Variants in BBS5 observed in about 807,000 individuals in gnomAD.
The protein encoded by BBS5 is Bardet-Biedl syndrome 5, also known as BBSome complex member BBS5.
In BBS5, 39 loss-of-function variants were observed where a neutral mutation model predicts 50.2. The observed-to-expected ratio is 0.78, with a 90% CI of 0.60 to 1.01. BBS5 has a LOEUF of 1.01. Among genes scored for constraint, BBS5 ranks in the 50% least tolerant of loss-of-function variants. BBS5 has a pLI of 0.00. For missense variants in BBS5, 356 were observed against 401.5 expected (o/e 0.89, Z 0.97); for synonymous variants, 134 against 133.1 (o/e 1.01, Z -0.05).
intron 11 of BBS5, 62 bp from the exon 12 acceptor site, chr2:169,504,419 T>G: frequency 1.3e-6 from 2 of 1,593,616 alleles, no homozygotes; most frequent in African/African-American, 1.3e-5. Context: ...TATTTTTTTG[T>G]TTTTTTCCTC....
intron 5 of BBS5, among the ~76,000 whole-genome samples, chr2:169,491,571 G>A (rs1683601666): frequency 6.6e-6 from 1 of 151,960 alleles, no homozygotes; most frequent in African/African-American, 2.4e-5. Context: ...AGTTAATCAG[G>A]GTTTCTGTAT....
In BBS5 at chr2:169,506,490, TA is replaced by T. The variant is rs77146558; in HGVS notation, c.*1921del. On this transcript the variant is annotated 3_prime_UTR_variant, in exon 12 of 12. Transcript: ENST00000295240. ...TCTTACCCTAAAACTTAAAGTATAA[TA>T]AAAAAAAAAAAACTTCAGTTTTCTA... 0.14 allele frequency: 19,357 copies of T among 143,014 alleles called. 1,293 individuals carry two copies. The highest frequency in any genetic ancestry group is 0.2 in the Middle Eastern group (54 of 270). 8.9% of individuals were successfully genotyped at this position (143,014 alleles called of 1,614,324 possible).
In BBS5 at chr2:169,493,804, AG is replaced by A. The variant is rs1338711505; in HGVS notation, c.587del (p.Ser196IlefsTer14). 5.6e-6 allele frequency: 9 copies of A among 1,611,228 alleles called. No homozygotes were observed. In the African/African-American group the frequency reaches 1.2e-4, roughly 22 times the overall value. ...TGTGTGGCATGCAAATATGAATGAT[AG>A]TTTTAATGTCAGTATACCATATCTG... ...RIVWHANMNDSFNVSIPYLQI... is the reference protein window; with the variant it reads ...RIVWHANMNDXFNVSIPYLQI... On this transcript the variant is annotated frameshift_variant, in exon 7 of 12. Coordinates refer to ENST00000295240, the MANE Select transcript of BBS5 (RefSeq NM_152384.3). LOFTEE classifies it high-confidence loss of function.
intron 5 of BBS5, 59 bp from the exon 6 acceptor site, chr2:169,492,815 A>G: frequency 4.0e-6 from 6 of 1,492,758 alleles, no homozygotes; most frequent in South Asian, 1.2e-5. Flanking sequence ...GTAAGTAAAC[A>G]TAACCCAAGA....
intron 10 of BBS5, among the ~76,000 whole-genome samples, chr2:169,503,428 G>C (rs1193915103): frequency 6.6e-6 from 1 of 152,126 alleles, no homozygotes; most frequent in African/African-American, 2.4e-5. Flanking sequence ...GGAAGGCCGA[G>C]GTAGGCTGAT....
Position 169,493,055 on chromosome 2 carries a change from A to T in BBS5, c.522+46A>T, listed in dbSNP as rs776836296. 5.0e-6 allele frequency: 8 copies of T among 1,605,358 alleles called. No homozygotes were observed. The African/African-American group carries it at 1.1e-4, about 21-fold the overall frequency. On this transcript the variant is annotated intron_variant, in intron 6 of 11. Coordinates refer to ENST00000295240, the MANE Select transcript of BBS5 (RefSeq NM_152384.3). ...GAACCTTTTGGGACAGTGTTTTGGT[A>T]ATCATTTTTCCATTCATCATTGGAT...
Position 169,504,516 on chromosome 2 carries a change from G to A in BBS5, c.960G>A (p.Leu320=). 2.5e-6 allele frequency: 4 copies of A among 1,613,974 alleles called. No homozygotes were observed. Among genetic ancestry groups the A allele is most frequent in the South Asian group, 2.2e-5 (2 of 91,080 alleles). The change falls in exon 12 of 12, where the codon CTG becomes CTA. Residue 320 remains leucine, a synonymous_variant. Coordinates refer to ENST00000295240, the MANE Select transcript of BBS5 (RefSeq NM_152384.3). ...GTGAACCTGTATTTTCAGAAGAACT[G>A]GGGCTTGCAATAGAGAAATTGAAGG... ...QDREPVFSEE[L]GLAIEKLKDG...
intron 2 of BBS5, among the ~76,000 whole-genome samples, chr2:169,485,347 AAAAC>A (rs1225875669): frequency 1.4e-5 from 2 of 142,528 alleles, no homozygotes; most frequent in African/African-American, 4.9e-5. Context: ...TAAAAACAGT[AAAAC>A]AAAAAGTTTA....
intron 5 of BBS5, 48 bp from the exon 6 acceptor site, chr2:169,492,826 A>C (rs1281188133): frequency 6.4e-7 from 1 of 1,557,486 alleles, no homozygotes; most frequent in Non-Finnish European, 8.8e-7. Context: ...TAACCCAAGA[A>C]AATCACATTT....
chr2:169,479,558 C>G lies in BBS5; in HGVS notation c.5C>G (p.Ser2Trp), dbSNP rs944222707. ...CTGCCACGGGCCTTGTTCACCATGT[C>G]GGTGCTGGATGCGCTTTGGGAGGAT... M[S>W]VLDALWEDRD... The change falls in exon 1 of 12, where the codon TCG becomes TGG. Residue 2 changes from serine (S) to tryptophan (W), a missense_variant. Physicochemically the swap from Ser to Trp is radical, Grantham distance 177. Transcript: ENST00000295240. The G allele has an allele frequency of 1.2e-6, 2 of 1,614,156 alleles. No homozygotes were observed. Among genetic ancestry groups the G allele is most frequent in the Non-Finnish European group, 1.7e-6 (2 of 1,179,998 alleles).
chr2:169,504,397 T>C, intron 11 of BBS5, 71 bp downstream of exon 11: 2 of 1,581,824 alleles, frequency 1.3e-6, no homozygotes, highest in Non-Finnish European at 1.7e-6. Flanking sequence ...ATTCACAAAC[T>C]TATGTGAAAC....
chr2:169,504,490 C>G lies in BBS5; in HGVS notation c.934C>G (p.Arg312Gly), dbSNP rs766110650. 1 of 1,613,706 alleles carries G rather than the reference C, an allele frequency of 6.2e-7. No homozygotes were observed. The highest frequency in any genetic ancestry group is 1.7e-5 in the Admixed American group (1 of 60,000). ...YFADGNKQQD[R>G]EPVFSEELGL... ...CCTGTCTCCCAAAAAGCAACAAGATCGTGAACCTGTATTTTCAGAAGAACT... is the reference window on the plus strand; with the variant it reads ...CCTGTCTCCCAAAAAGCAACAAGATGGTGAACCTGTATTTTCAGAAGAACT... The change falls in exon 12 of 12, where the codon CGT (arginine) becomes GGT (glycine). Residue 312 changes from arginine to glycine, a missense_variant. Coordinates refer to ENST00000295240, the MANE Select transcript of BBS5 (RefSeq NM_152384.3).
At chr2:169,496,325 A>G (rs1683690859) in intron 7 of BBS5, among the ~76,000 whole-genome samples, 1 of 152,242 alleles carries the variant, frequency 6.6e-6, no homozygotes, top group African/African-American at 2.4e-5. Context: ...TTACCAGTTG[A>G]TGTTAATTAC....
At chr2:169,502,007 A>C (rs1215291569) in intron 9 of BBS5, among the ~76,000 whole-genome samples, 1 of 152,092 alleles carries the variant, frequency 6.6e-6, no homozygotes, top group East Asian at 1.9e-4. Context: ...CTTCTAAAAC[A>C]GCAACTCCCA....
intron 7 of BBS5, 131 bp downstream of exon 7, chr2:169,493,967 T>G: frequency 1.6e-6 from 1 of 634,354 alleles, no homozygotes; most frequent in Non-Finnish European, 2.8e-6. Context: ...GAGAGCATAT[T>G]TTAAAGATGC....
intron 1 of BBS5, among the ~76,000 whole-genome samples, chr2:169,481,632 T>G (rs891356393): frequency 1.2e-4 from 19 of 152,002 alleles, no homozygotes; most frequent in Non-Finnish European, 2.4e-4. Flanking sequence ...GGTTTTTTTT[T>G]TTGGACACTG....
chr2:169,497,430 A>G (rs1683711974), intron 7 of BBS5, among the ~76,000 whole-genome samples, 197 bp from the exon 8 acceptor site: 1 of 152,194 alleles, frequency 6.6e-6, no homozygotes, highest in Non-Finnish European at 1.5e-5. Context: ...TTGCCTCTTA[A>G]AAGTTTGCCA....
At chr2:169,491,277 T>C (rs1470502365) in intron 5 of BBS5, among the ~76,000 whole-genome samples, 1 of 152,204 alleles carries the variant, frequency 6.6e-6, no homozygotes, top group Non-Finnish European at 1.5e-5. Flanking sequence ...TTTAATAGTA[T>C]TAAAAACACT....
chr2:169,487,860 G>A lies in BBS5; in HGVS notation c.258+5G>A, dbSNP rs957429667. On this transcript the variant is annotated splice_donor_5th_base_variant and intron_variant, in intron 4 of 11. Transcript: ENST00000295240. ...ACAACAAGGACTGCTAACTCTGTAA[G>A]TCTAAAAAATCTTATTGCAATATAT... 15 of 1,601,002 alleles carry A rather than the reference G, an allele frequency of 9.4e-6. No homozygotes were observed. Among genetic ancestry groups the A allele is most frequent in the African/African-American group, 1.3e-5 (1 of 74,486 alleles).
Sources: gnomAD v4.1 joint callset for allele counts (sites outside exome capture counted in the v4.1 genomes callset) on GRCh38, gnomAD v4.1.1 for gene constraint, MANE v1.5 for transcripts, NCBI Gene and HGNC (gene_info 2026-07-23, HGNC 2026-07-21) for gene names.